The following PKHD1L1 variants were observed in gnomAD, a reference collection of about 807,000 sequenced individuals.
PKHD1L1 encodes fibrocystin-L.
In PKHD1L1, 434 loss-of-function variants were observed where a neutral mutation model predicts 462.9. The ratio of observed to expected loss-of-function variants is 0.94; its 90% CI spans 0.87 to 1.02. The LOEUF (loss-of-function observed/expected upper bound fraction) is 1.02, where lower values mean the gene tolerates loss of function less well. PKHD1L1 is among the 50% of genes least tolerant of loss of function. The pLI, the probability that PKHD1L1 is intolerant of heterozygous loss-of-function variation, is 0.00. For missense variants in PKHD1L1, 5,202 were observed against 5,096.1 expected, an observed-to-expected ratio of 1.02 and a Z score of -0.63; for synonymous variants, 1,781 against 1,750.0, an observed-to-expected ratio of 1.02 and a Z score of -0.44.
In PKHD1L1 at chr8:109,452,624, T is replaced by C. The variant is rs1225572410; in HGVS notation, c.6508-94T>C. 3 of 621,036 alleles carry C rather than the reference T, an allele frequency of 4.8e-6. No homozygotes were observed. In the East Asian group the frequency reaches 1.5e-4, roughly 31 times the overall value. The allele number at this position is 621,036 out of a possible 1,614,324, so 38.5% of individuals were successfully genotyped here. ...ATATATATTTACTATATAATATAAA[T>C]ATATTTATATTGTAATAAAATGCTT... is the stretch of plus-strand genomic sequence containing the variant. On this transcript the variant is annotated intron_variant, in intron 42 of 77. Coordinates refer to ENST00000378402, the MANE Select transcript of PKHD1L1 (RefSeq NM_177531.6).
chr8:109,416,630 G>C (rs1364985958), intron 21 of PKHD1L1, among the ~76,000 whole-genome samples: 2 of 152,184 alleles, frequency 1.3e-5, no homozygotes, highest in Non-Finnish European at 2.9e-5. Context: ...AATGAAATGA[G>C]TGGGGAGAAT....
At chr8:109,402,886 G>A (rs1813345113) in intron 14 of PKHD1L1, among the ~76,000 whole-genome samples, 1 of 152,008 alleles carries the variant, frequency 6.6e-6, no homozygotes, top group Non-Finnish European at 1.5e-5. Context: ...TACTGACATG[G>A]GGAAAGAGTT....
chr8:109,410,921 G>T (rs964453134), intron 19 of PKHD1L1, among the ~76,000 whole-genome samples: 1 of 151,278 alleles, frequency 6.6e-6, no homozygotes, highest in Non-Finnish European at 1.5e-5. Flanking sequence ...TAGAGACGGG[G>T]TTTCACAATG....
chr8:109,445,601 C>A lies in PKHD1L1; in HGVS notation c.5732C>A (p.Ala1911Asp), dbSNP rs751526173. ...TATCCACCTTTGCTTTTTACATATG[C>A]CCTGGAGGATACTCCATTTCTCAGA... ...IAYPPLLFTY[A>D]LEDTPFLRGI... Residue 1911 changes from alanine to aspartate, a missense_variant, in exon 38 of 78, where the codon GCC (alanine) becomes GAC (aspartate). Around this residue, in one of 3 missense-constraint regions of PKHD1L1, gnomAD observed 4,497 missense variants for 4,336.8 expected, o/e 1.04. Coordinates refer to ENST00000378402, the MANE Select transcript of PKHD1L1 (RefSeq NM_177531.6). 17 of 1,609,874 alleles carry A rather than the reference C, an allele frequency of 1.1e-5. No homozygotes were observed. Among genetic ancestry groups the A allele is most frequent in the Non-Finnish European group, 1.4e-5 (17 of 1,177,416 alleles).
chr8:109,413,569 A>G (rs1813974220), intron 21 of PKHD1L1, 24 bp downstream of exon 21: 1 of 1,483,532 alleles, frequency 6.7e-7, no homozygotes. Context: ...TGAATTTGAA[A>G]ATTACATTAT....
rs183487653 is a variant in PKHD1L1, at chr8:109,452,467, G to T, written c.6507+187G>T. Among the ~76,000 whole-genome samples the T allele has an allele frequency of 6.6e-3, 994 of 151,634 alleles. 12 individuals are homozygous for T. Among genetic ancestry groups the T allele is most frequent in the African/African-American group, 0.022 (913 of 41,384 alleles). Reference sequence around the variant, plus strand: ...AAAATTTTTATTATTTTAGATTTTTGATTTTTCTGAGTTGTGGGGTAATTG... The same window carrying T: ...AAAATTTTTATTATTTTAGATTTTTTATTTTTCTGAGTTGTGGGGTAATTG... On this transcript the variant is annotated intron_variant, in intron 42 of 77. Transcript: ENST00000378402.
chr8:109,434,013 C>T (rs539117903), intron 28 of PKHD1L1, among the ~76,000 whole-genome samples: 4 of 151,934 alleles, frequency 2.6e-5, no homozygotes, highest in Non-Finnish European at 2.9e-5. Context: ...AACACAAGAA[C>T]GGAAAACCAA....
chr8:109,392,088 G>A (rs1449767885), intron 9 of PKHD1L1, among the ~76,000 whole-genome samples: 2 of 152,124 alleles, frequency 1.3e-5, no homozygotes, highest in African/African-American at 2.4e-5. Context: ...ACTTACATAC[G>A]ACTTGATAAG....
intron 46 of PKHD1L1, among the ~76,000 whole-genome samples, chr8:109,458,738 A>G (rs1220402542): frequency 6.6e-6 from 1 of 152,160 alleles, no homozygotes; most frequent in Non-Finnish European, 1.5e-5. Flanking sequence ...GGGAAAACAC[A>G]GAGGTAACTC....
chr8:109,507,989 T>A, intron 69 of PKHD1L1, 94 bp downstream of exon 69: 1 of 1,508,918 alleles, frequency 6.6e-7, no homozygotes, highest in South Asian at 1.3e-5. Flanking sequence ...AACCAATAAC[T>A]TTTATTTTCT....
intron 2 of PKHD1L1, among the ~76,000 whole-genome samples, chr8:109,374,182 C>T (rs1256058243): frequency 1.3e-5 from 2 of 152,248 alleles, no homozygotes; most frequent in East Asian, 3.9e-4. Flanking sequence ...AATCTGGGTG[C>T]TCCTGTACTG....
At chr8:109,522,971 G>C (rs919623556) in intron 75 of PKHD1L1, 81 bp downstream of exon 75, 3 of 1,381,356 alleles carry the variant, frequency 2.2e-6, no homozygotes, top group Non-Finnish European at 2.9e-6. Flanking sequence ...CACTCATCCT[G>C]GTGTGCTGGC....
chr8:109,362,681 A>G, intron 1 of PKHD1L1, 28 bp downstream of exon 1: 1 of 1,572,702 alleles, frequency 6.4e-7, no homozygotes, highest in African/African-American at 1.3e-5. Flanking sequence ...CTAGGCAGGC[A>G]AGCAGGAGAG....
chr8:109,440,850 T>A lies in PKHD1L1; in HGVS notation c.4097T>A (p.Leu1366Ter). Residue 1366 changes from leucine to a stop codon, truncating the protein, a stop_gained and splice_region_variant, in exon 33 of 78, where the codon TTA (leucine) becomes TAA (stop). Coordinates refer to ENST00000378402, the MANE Select transcript of PKHD1L1 (RefSeq NM_177531.6). LOFTEE classifies it high-confidence loss of function. ...STIPAENTVL[L>*]GSIPCNVTSS... ...ATACCAGCTGAGAATACCGTGCTGT[T>A]AGGTAAGAGCTTCATTCATAGGAAA... The A allele has an allele frequency of 1.2e-6, 2 of 1,612,132 alleles. No individual in the cohort carries two copies. Among genetic ancestry groups the A allele is most frequent in the Non-Finnish European group, 1.7e-6 (2 of 1,178,828 alleles).
At chr8:109,516,343 T>C (rs1820269162) in intron 72 of PKHD1L1, among the ~76,000 whole-genome samples, 1 of 152,090 alleles carries the variant, frequency 6.6e-6, no homozygotes, top group South Asian at 2.1e-4. Context: ...TGCTGAGGGT[T>C]CTTTGCTCGG....
chr8:109,438,300 C>T (rs1815553779), intron 30 of PKHD1L1, 24 bp from the exon 31 acceptor site: 1 of 1,415,898 alleles, frequency 7.1e-7, no homozygotes, highest in South Asian at 1.4e-5. Flanking sequence ...TTAATATTTT[C>T]TAATTTTTTT....
chr8:109,417,325 C>T (rs1814229645), intron 21 of PKHD1L1, among the ~76,000 whole-genome samples: 1 of 151,684 alleles, frequency 6.6e-6, no homozygotes, highest in Non-Finnish European at 1.5e-5. Context: ...AATATATACA[C>T]CTAATATGTA....
Position 109,461,700 on chromosome 8 carries a change from G to A in PKHD1L1, c.7247-72G>A, listed in dbSNP as rs73309331. ...ATATGTGAATCAAATGATACACTTAGTTATGAGAAAATCTTCAATATAAGA... is the reference window on the plus strand; with the variant it reads ...ATATGTGAATCAAATGATACACTTAATTATGAGAAAATCTTCAATATAAGA... On this transcript the variant is annotated intron_variant, in intron 47 of 77. Coordinates refer to ENST00000378402, the MANE Select transcript of PKHD1L1 (RefSeq NM_177531.6). 799 of 1,475,734 alleles carry A rather than the reference G, an allele frequency of 5.4e-4. 6 individuals are homozygous for A. In the African/African-American group the frequency reaches 8.5e-3, roughly 16 times the overall value. The allele number at this position is 1,475,734 out of a possible 1,614,324, so 91.4% of individuals were successfully genotyped here.
chr8:109,457,771 A>T (rs1454816965), intron 46 of PKHD1L1, among the ~76,000 whole-genome samples: 1 of 152,212 alleles, frequency 6.6e-6, no homozygotes. Context: ...GGAAGGAAAG[A>T]TGTGTTTAGG....
Sources: allele counts gnomAD v4.1 joint callset (sites outside exome capture counted in the v4.1 genomes callset), GRCh38; gene constraint gnomAD v4.1.1; regional missense constraint gnomAD v4.1.1; transcripts MANE v1.5; gene names NCBI Gene and HGNC (gene_info 2026-07-23, HGNC 2026-07-21).